The following SLIT3 variants were observed in gnomAD, a reference collection of about 807,000 sequenced individuals.
SLIT3 encodes the protein slit guidance ligand 3.
In SLIT3, 68 loss-of-function variants were observed where a neutral mutation model predicts 184.0. The observed-to-expected ratio is 0.37, with a 90% CI of 0.30 to 0.45. The LOEUF (loss-of-function observed/expected upper bound fraction) is 0.45, where lower values mean the gene tolerates loss of function less well. Among genes scored for constraint, SLIT3 ranks in the 20% least tolerant of loss-of-function variants. The pLI is 1.00. For missense variants in SLIT3, 1,707 were observed against 2,026.0 expected, an observed-to-expected ratio of 0.84 and a Z score of 3.02; for synonymous variants, 831 against 828.6, an observed-to-expected ratio of 1.00 and a Z score of -0.05.
At chr5:169,208,798 T>TAAGC (rs1355811739) in intron 3 of SLIT3, among the ~76,000 whole-genome samples, 2 of 151,912 alleles carry the variant, frequency 1.3e-5, no homozygotes, top group African/African-American at 4.8e-5. Flanking sequence ...ATTAAAGACT[T>TAAGC]AAAAATTAAG....
intron 27 of SLIT3, 105 bp from the exon 28 acceptor site, chr5:168,696,536 C>A (rs1762070943): frequency 7.3e-7 from 1 of 1,375,058 alleles, no homozygotes; most frequent in Non-Finnish European, 1.0e-6. Context: ...ATTAGTTTTT[C>A]CTCCAGATGG....
intron 4 of SLIT3, among the ~76,000 whole-genome samples, chr5:168,963,234 C>T (rs1763075727): frequency 6.6e-6 from 1 of 152,146 alleles, no homozygotes; most frequent in South Asian, 2.1e-4. Flanking sequence ...TGCAATGGTG[C>T]AATCCTGGCC....
At chr5:168,861,282 G>T (rs1225385649) in intron 5 of SLIT3, among the ~76,000 whole-genome samples, 1 of 151,206 alleles carries the variant, frequency 6.6e-6, no homozygotes, top group Non-Finnish European at 1.5e-5. Flanking sequence ...ACAGGCCCCA[G>T]TGTGTGATGT....
chr5:169,228,430 C>A (rs1056988659), intron 3 of SLIT3, among the ~76,000 whole-genome samples: 17 of 152,162 alleles, frequency 1.1e-4, no homozygotes, highest in African/African-American at 4.1e-4. Flanking sequence ...GGAGTGACGA[C>A]TGCCCGGAGA....
chr5:168,835,235 A>G (rs1184127940), intron 6 of SLIT3, among the ~76,000 whole-genome samples: 4 of 152,352 alleles, frequency 2.6e-5, no homozygotes, highest in Middle Eastern at 3.4e-3. Context: ...TGAGTTTTAA[A>G]TGTTGGCAAC....
chr5:168,884,863 G>A (rs1012241345), intron 4 of SLIT3, among the ~76,000 whole-genome samples: 1 of 151,972 alleles, frequency 6.6e-6, no homozygotes, highest in African/African-American at 2.4e-5. Context: ...CCTAGAAGGA[G>A]AACTTGCTGG....
chr5:169,009,043 A>G (rs932591034), intron 4 of SLIT3, among the ~76,000 whole-genome samples: 8 of 151,958 alleles, frequency 5.3e-5, no homozygotes, highest in Non-Finnish European at 7.4e-5. Context: ...AGGCAGCTTG[A>G]CCTCTCTGCA....
At chr5:168,994,082 C>A (rs368165545) in intron 4 of SLIT3, 4 of 152,262 alleles carry the variant, frequency 2.6e-5, no homozygotes, top group South Asian at 4.2e-4. Context: ...TAGGAGGAGA[C>A]GGTGGAGAAG....
At chr5:168,924,736 C>T (rs1761757879) in intron 4 of SLIT3, among the ~76,000 whole-genome samples, 1 of 152,156 alleles carries the variant, frequency 6.6e-6, no homozygotes, top group Non-Finnish European at 1.5e-5. Flanking sequence ...TGGTCTTGAA[C>T]TTCTGAGCTC....
chr5:169,034,904 G>A (rs1298371135), intron 4 of SLIT3, among the ~76,000 whole-genome samples: 1 of 145,276 alleles, frequency 6.9e-6, no homozygotes, highest in African/African-American at 2.6e-5. Flanking sequence ...AAGCCACCAC[G>A]CCCAGCTAGT....
intron 20 of SLIT3, among the ~76,000 whole-genome samples, chr5:168,731,656 G>A (rs775262336): frequency 2.6e-5 from 4 of 151,926 alleles, no homozygotes; most frequent in South Asian, 2.1e-4. Context: ...TTCAATATAC[G>A]CAAATCAATA....
intron 4 of SLIT3, among the ~76,000 whole-genome samples, chr5:169,118,662 G>C (rs1047654808): frequency 3.9e-5 from 6 of 152,160 alleles, no homozygotes; most frequent in African/African-American, 9.7e-5. Context: ...TAGGACCTTG[G>C]CCATCACTAG....
chr5:168,858,995 T>G (rs1759005808), intron 5 of SLIT3, among the ~76,000 whole-genome samples: 2 of 152,182 alleles, frequency 1.3e-5, no homozygotes, highest in African/African-American at 4.8e-5. Flanking sequence ...GGACACATAG[T>G]CCTGCAACAT....
At chr5:169,058,748 A>G (rs1159745933) in intron 4 of SLIT3, among the ~76,000 whole-genome samples, 1 of 152,186 alleles carries the variant, frequency 6.6e-6, no homozygotes, top group Non-Finnish European at 1.5e-5. Context: ...TACTCTGGAT[A>G]TACCACACCT....
At chr5:169,224,183 C>T (rs76586920) in intron 3 of SLIT3, among the ~76,000 whole-genome samples, 4,542 of 152,070 alleles carry the variant, frequency 0.03, 248 homozygotes, top group African/African-American at 0.1. Flanking sequence ...TGATAATATG[C>T]ACTCCATAGA....
intron 5 of SLIT3, among the ~76,000 whole-genome samples, chr5:168,851,476 A>G (rs1240809384): frequency 6.6e-6 from 1 of 152,124 alleles, no homozygotes; most frequent in Non-Finnish European, 1.5e-5. Context: ...AAACGAAAAC[A>G]CCTCATATTC....
At chr5:168,945,009 G>A (rs1762429310) in intron 4 of SLIT3, among the ~76,000 whole-genome samples, 1 of 152,166 alleles carries the variant, frequency 6.6e-6, no homozygotes, top group African/African-American at 2.4e-5. Flanking sequence ...GACACCCGAG[G>A]AAAGGAAGAG....
chr5:169,139,071 C>T (rs1048022932), intron 4 of SLIT3, among the ~76,000 whole-genome samples: 2 of 152,216 alleles, frequency 1.3e-5, no homozygotes, highest in Non-Finnish European at 1.5e-5. Context: ...ACCAGCATGT[C>T]TCAAGACTGG....
chr5:168,827,307 G>T (rs1757738602), intron 6 of SLIT3, among the ~76,000 whole-genome samples: 1 of 152,206 alleles, frequency 6.6e-6, no homozygotes, highest in African/African-American at 2.4e-5. Context: ...ATGGGTTTCT[G>T]GGGTGCGTTT....
Sources: gnomAD v4.1 joint callset for allele counts (sites outside exome capture counted in the v4.1 genomes callset) on GRCh38, gnomAD v4.1.1 for gene constraint, MANE v1.5 for transcripts, NCBI Gene and HGNC (gene_info 2026-07-23, HGNC 2026-07-21) for gene names.